BMPR2: variants seen among roughly 807,000 people sequenced by gnomAD.
BMPR2 encodes the protein bone morphogenetic protein receptor type-2.
A neutral mutation model predicts 100.8 loss-of-function variants in BMPR2; 29 were observed. That is an observed-to-expected ratio of 0.29 (90% CI 0.21 to 0.39). The LOEUF is 0.39. Ranked by LOEUF, BMPR2 falls within the 10% of genes least tolerant of loss-of-function variation. The pLI is 1.00. For missense variants in BMPR2, 1,011 were observed against 1,274.5 expected, an observed-to-expected ratio of 0.79 and a Z score of 3.15; for synonymous variants, 382 against 442.3, an observed-to-expected ratio of 0.86 and a Z score of 1.71.
chr2:202,396,571 A>G (rs1690660102), intron 1 of BMPR2, among the ~76,000 whole-genome samples: 1 of 152,194 alleles, frequency 6.6e-6, no homozygotes, highest in South Asian at 2.1e-4. Context: ...TTTGGCTGCA[A>G]AAAAGTCAGG....
chr2:202,453,069 TA>T lies in BMPR2; in HGVS notation c.77-11739del, dbSNP rs1020439736. ...CTGGAGGGATTTGGAGTTTCTAGAT[TA>T]TGTAGGTCCTTGTACAACATCTTAA... On this transcript the variant is annotated intron_variant, in intron 1 of 12. Transcript: ENST00000374580. Among the ~76,000 whole-genome samples the T allele has an allele frequency of 9.8e-5, 15 of 152,300 alleles. 1 individual carries two copies. Among genetic ancestry groups the T allele is most frequent in the East Asian group, 9.6e-4 (5 of 5,190 alleles).
chr2:202,486,504 C>T (rs190172192), intron 3 of BMPR2, among the ~76,000 whole-genome samples: 4 of 151,916 alleles, frequency 2.6e-5, no homozygotes, highest in East Asian at 3.9e-4. Context: ...TGGTGGTGCA[C>T]GCCTGTAGTC....
At chr2:202,476,880 C>G (rs925820833) in intron 3 of BMPR2, among the ~76,000 whole-genome samples, 5 of 140,578 alleles carry the variant, frequency 3.6e-5, no homozygotes, top group Admixed American at 1.5e-4. Context: ...GAGCACTTCT[C>G]AAAATGTCTC....
intron 1 of BMPR2, among the ~76,000 whole-genome samples, chr2:202,398,812 A>T (rs935939084): frequency 6.6e-6 from 1 of 152,218 alleles, no homozygotes; most frequent in East Asian, 1.9e-4. Context: ...CCTGACTTCA[A>T]TGGCACTTAT....
Position 202,532,842 on chromosome 2 carries a change from T to C in BMPR2, c.1276+110T>C. ...TTATGTAAGAATCTTTTTACTTTCA[T>C]TTAAACCTTTAGTTCATTGCTATCT... On this transcript the variant is annotated intron_variant, in intron 9 of 12. Coordinates refer to ENST00000374580, the MANE Select transcript of BMPR2 (RefSeq NM_001204.7). The surrounding 1 kb of genome is among the most constrained non-coding windows in gnomAD (Gnocchi z 4.1). 7.9e-7 allele frequency: 1 copy of C among 1,273,366 alleles called. No individual in the cohort carries two copies. Among genetic ancestry groups the C allele is most frequent in the South Asian group, 1.3e-5 (1 of 75,426 alleles). 78.9% of individuals were successfully genotyped at this position (1,273,366 alleles called of 1,614,324 possible). A position where few individuals can be genotyped will look rare whatever the true frequency, so the allele number is the denominator to read the frequency against.
At chr2:202,430,243 G>T (rs1028238643) in intron 1 of BMPR2, among the ~76,000 whole-genome samples, 4 of 152,132 alleles carry the variant, frequency 2.6e-5, no homozygotes, top group Non-Finnish European at 2.9e-5. Flanking sequence ...TCACACTGAG[G>T]GGGGATAGGG....
rs780185585 is a variant in BMPR2 at position 202,530,921 on chromosome 2, C to T, written c.1095C>T (p.Arg365=). Residue 365 remains arginine (R), a synonymous_variant, in exon 8 of 13, where the codon CGC becomes CGT. Coordinates refer to ENST00000374580, the MANE Select transcript of BMPR2 (RefSeq NM_001204.7). ...SMRLTGNRLV[R]PGEEDNAAIS... ...GGCTGACTGGAAATAGACTGGTGCG[C>T]CCAGGGGAGGAAGATAATGCAGCCA... 2.0e-5 allele frequency: 33 copies of T among 1,613,900 alleles called. No individual in the cohort carries two copies. Among genetic ancestry groups the T allele is most frequent in the Non-Finnish European group, 2.7e-5 (32 of 1,180,000 alleles).
intron 3 of BMPR2, among the ~76,000 whole-genome samples, chr2:202,470,827 CAGGCCA>C (rs1692423864): frequency 2.0e-5 from 3 of 150,774 alleles, no homozygotes; most frequent in Admixed American, 1.3e-4. Flanking sequence ...AGCACTTTGG[CAGGCCA>C]AGGCAAGAGG....
chr2:202,530,755 C>G, intron 7 of BMPR2, 39 bp from the exon 8 acceptor site: 2 of 1,535,860 alleles, frequency 1.3e-6, no homozygotes, highest in Non-Finnish European at 1.8e-6. Flanking sequence ...TCAATAGTCC[C>G]TTTTATTCAT....
intron 3 of BMPR2, among the ~76,000 whole-genome samples, chr2:202,470,172 T>C (rs938337393): frequency 2.0e-5 from 3 of 151,660 alleles, no homozygotes; most frequent in African/African-American, 7.3e-5. Context: ...TGAAACCCCA[T>C]CTCTACTAAA....
intron 3 of BMPR2, 141 bp downstream of exon 3, chr2:202,467,830 G>A: frequency 3.5e-6 from 3 of 845,736 alleles, no homozygotes; most frequent in Non-Finnish European, 3.8e-6. Flanking sequence ...AGGCCGAGGT[G>A]GATGGATCAC....
chr2:202,380,363 C>G (rs1223609862), intron 1 of BMPR2, among the ~76,000 whole-genome samples: 5 of 152,196 alleles, frequency 3.3e-5, no homozygotes, highest in Non-Finnish European at 5.9e-5. Flanking sequence ...TTGAGGAACA[C>G]ACACATTATA....
At chr2:202,514,385 C>T (rs1687677832) in intron 4 of BMPR2, among the ~76,000 whole-genome samples, 1 of 152,210 alleles carries the variant, frequency 6.6e-6, no homozygotes. Context: ...ATCCGCCCGC[C>T]TTGGCCTCCC....
rs1024177714 is a variant in BMPR2 at position 202,503,102 on chromosome 2, A to G, written c.419-10617A>G. On this transcript the variant is annotated intron_variant, in intron 3 of 12. Coordinates refer to ENST00000374580, the MANE Select transcript of BMPR2 (RefSeq NM_001204.7). The surrounding 1 kb of genome is among the most constrained non-coding windows in gnomAD (Gnocchi z 4.0). ...GAGTTCCCCTCTGAAGGACACTACAACTGCAGAGCCCCTTCTTTGCCCCTA... is the reference window on the plus strand; with the variant it reads ...GAGTTCCCCTCTGAAGGACACTACAGCTGCAGAGCCCCTTCTTTGCCCCTA... Among the ~76,000 whole-genome samples the G allele has an allele frequency of 2.6e-5, 4 of 152,164 alleles. No homozygotes were observed. Among genetic ancestry groups the G allele is most frequent in the African/African-American group, 9.7e-5 (4 of 41,436 alleles).
At chr2:202,448,366 G>A (rs1206642024) in intron 1 of BMPR2, among the ~76,000 whole-genome samples, 1 of 149,560 alleles carries the variant, frequency 6.7e-6, no homozygotes, top group Non-Finnish European at 1.5e-5. Flanking sequence ...AGAATGGCGT[G>A]AACCCGGGAG....
At chr2:202,559,174 C>T (rs1475791889) in intron 12 of BMPR2, among the ~76,000 whole-genome samples, 4 of 151,428 alleles carry the variant, frequency 2.6e-5, no homozygotes, top group East Asian at 2.0e-4. Context: ...TGGTGGCATG[C>T]GCCTGTAGTC....
chr2:202,440,671 C>T (rs970654281), intron 1 of BMPR2, among the ~76,000 whole-genome samples: 1 of 150,574 alleles, frequency 6.6e-6, no homozygotes, highest in African/African-American at 2.5e-5. Flanking sequence ...GCACTCCAGC[C>T]TGCAATCCCA....
At chr2:202,390,575 A>G (rs1257754638) in intron 1 of BMPR2, among the ~76,000 whole-genome samples, 1 of 151,942 alleles carries the variant, frequency 6.6e-6, no homozygotes, top group African/African-American at 2.4e-5. Context: ...CAGGTGATAC[A>G]CATGCCTCGG....
At chr2:202,394,070 C>T (rs942957062) in intron 1 of BMPR2, among the ~76,000 whole-genome samples, 2 of 152,096 alleles carry the variant, frequency 1.3e-5, no homozygotes, top group African/African-American at 4.8e-5. Context: ...TTACTCCTGG[C>T]CGGGCGTGGT....
Sources: allele counts gnomAD v4.1 joint callset (sites outside exome capture counted in the v4.1 genomes callset), GRCh38; gene constraint gnomAD v4.1.1; non-coding constraint Gnocchi (gnomAD v3.1); transcripts MANE v1.5; gene names NCBI Gene and HGNC (gene_info 2026-07-23, HGNC 2026-07-21).